Variants in SULT2B1 observed in about 807,000 individuals in gnomAD.
The protein encoded by SULT2B1 is sulfotransferase 2B1.
SULT2B1 carries 16 observed loss-of-function variants against 33.2 expected under a neutral mutation model. The observed-to-expected ratio is 0.48, with a 90% confidence interval of 0.33 to 0.73. The LOEUF (loss-of-function observed/expected upper bound fraction) is 0.73, where lower values mean the gene tolerates loss of function less well. SULT2B1 is among the 30% of genes least tolerant of loss of function. The pLI is 0.02. For synonymous variants in SULT2B1, 186 were observed against 200.5 expected, an observed-to-expected ratio of 0.93 and a Z score of 0.61; for missense variants, 500 against 506.0, an observed-to-expected ratio of 0.99 and a Z score of 0.11.
chr19:48,569,361 A>AAAAATAT (rs1568405757), intron 1 of SULT2B1, among the ~76,000 whole-genome samples: 4 of 9,966 alleles, frequency 4.0e-4, no homozygotes, highest in African/African-American at 9.7e-4. Flanking sequence ...AAAAAAAAAA[A>AAAAATAT]ACATATATAT....
intron 3 of SULT2B1, among the ~76,000 whole-genome samples, chr19:48,588,671 G>A (rs919690419): frequency 4.6e-5 from 7 of 151,832 alleles, no homozygotes; most frequent in African/African-American, 1.4e-4. Flanking sequence ...TTACATTGGG[G>A]GGAGAGGGCT....
At chr19:48,563,036 G>A (rs148534531) in intron 1 of SULT2B1, among the ~76,000 whole-genome samples, 6 of 152,024 alleles carry the variant, frequency 3.9e-5, no homozygotes, top group Non-Finnish European at 5.9e-5. Flanking sequence ...AAAGTTAAGC[G>A]GGAACTTTCC....
intron 1 of SULT2B1, among the ~76,000 whole-genome samples, chr19:48,563,107 G>T (rs1973201671): frequency 2.0e-5 from 3 of 152,014 alleles, no homozygotes; most frequent in African/African-American, 7.2e-5. Context: ...TGGAGACAGG[G>T]TCTTGCTATG....
At chr19:48,569,887 A>G (rs1260199333) in intron 1 of SULT2B1, among the ~76,000 whole-genome samples, 7 of 152,036 alleles carry the variant, frequency 4.6e-5, no homozygotes, top group Non-Finnish European at 8.8e-5. Context: ...GCTGGTCTCA[A>G]ACTCCTGATG....
intron 3 of SULT2B1, among the ~76,000 whole-genome samples, chr19:48,589,709 C>A (rs1973618090): frequency 6.6e-6 from 1 of 152,188 alleles, no homozygotes. Flanking sequence ...CGCCTGAAAT[C>A]CCAGCACTTT....
intron 4 of SULT2B1, 32 bp downstream of exon 4, chr19:48,591,767 TG>T: frequency 6.6e-7 from 1 of 1,516,566 alleles, no homozygotes. Flanking sequence ...GCAGGAGGGG[TG>T]GGGAGGAGCC....
Position 48,588,075 on chromosome 19 carries a change from T to C in SULT2B1, c.423+638T>C, listed in dbSNP as rs576705724. Among the ~76,000 whole-genome samples the C allele has an allele frequency of 2.6e-5, 4 of 151,156 alleles. No homozygotes were observed. In the East Asian group the frequency reaches 7.8e-4, roughly 29 times the overall value. ...AAATACAAAAATTAGTCGGATCTGG[T>C]GGTGGGTGCCTGTAATCCCAGCTAC... On this transcript the variant is annotated intron_variant, in intron 3 of 6. Coordinates refer to ENST00000201586, the MANE Select transcript of SULT2B1 (RefSeq NM_177973.2).
intron 1 of SULT2B1, among the ~76,000 whole-genome samples, chr19:48,560,574 C>CT (rs1267241881): frequency 6.7e-6 from 1 of 149,936 alleles, no homozygotes; most frequent in Non-Finnish European, 1.5e-5. Flanking sequence ...TCGTAGCCAC[C>CT]TTTTTAAAAA....
chr19:48,555,241 G>A (rs967075062), intron 1 of SULT2B1, among the ~76,000 whole-genome samples: 3 of 151,760 alleles, frequency 2.0e-5, no homozygotes, highest in African/African-American at 4.8e-5. Flanking sequence ...ACAGGCACCC[G>A]CCACCATGCC....
rs1230729808 is a variant in SULT2B1 at position 48,587,336 on chromosome 19, G to A, written c.322G>A (p.Val108Met). The A allele has an allele frequency of 6.2e-7, 1 of 1,614,044 alleles. No homozygotes were observed. The highest frequency in any genetic ancestry group is 2.2e-5 in the East Asian group (1 of 44,870). Residue 108 changes from valine to methionine, a missense_variant, in exon 3 of 7, where the codon GTG (valine) becomes ATG (methionine). Physicochemically the swap from Val to Met is conservative, Grantham distance 21. Coordinates refer to ENST00000201586, the MANE Select transcript of SULT2B1 (RefSeq NM_177973.2). ...GCGGGCACCCTGGTGTGAGACCATT[G>A]TGGGTGCCTTCAGCCTCCCGGACCA... is the stretch of plus-strand genomic sequence containing the variant. ...WERAPWCETI[V>M]GAFSLPDQYS...
intron 1 of SULT2B1, among the ~76,000 whole-genome samples, chr19:48,553,910 G>A (rs186030220): frequency 3.9e-5 from 6 of 152,238 alleles, no homozygotes; most frequent in East Asian, 1.9e-4. Flanking sequence ...AAGCCAGCTC[G>A]CCTCCAGGGT....
intron 2 of SULT2B1, among the ~76,000 whole-genome samples, chr19:48,582,093 C>T (rs1973498439): frequency 6.6e-6 from 1 of 151,434 alleles, no homozygotes; most frequent in African/African-American, 2.4e-5. Flanking sequence ...TTAGTAGAGA[C>T]GGGGTTTTGC....
Position 48,599,289 on chromosome 19 carries a change from T to C in SULT2B1, c.981T>C (p.Pro327=). The stretch of plus-strand genomic sequence containing the variant: ...CAGATCCTGAGCCCAGCCCTGAGCC[T>C]GAGCCCAAGCCCAGCCTTGAGCCCA... The part of the protein sequence containing the change: ...GSPDPEPSPE[P]EPKPSLEPNT... Residue 327 remains proline (P), a synonymous_variant, in exon 7 of 7, where the codon CCT becomes CCC. Transcript: ENST00000201586. The surrounding 1 kb of genome is among the most constrained non-coding windows in gnomAD (Gnocchi z 4.1). 2 of 1,610,342 alleles carry C rather than the reference T, an allele frequency of 1.2e-6. No individual in the cohort carries two copies. The highest frequency in any genetic ancestry group is 1.3e-5 in the African/African-American group (1 of 74,878).
At position 48,587,319 on chromosome 19, in the gene SULT2B1, C is replaced by T; in HGVS notation, c.305C>T (p.Pro102Leu). ...IRSVPIWERA[P>L]WCETIVGAFS... ...TCCGTGCCCATCTGGGAGCGGGCACCCTGGTGTGAGACCATTGTGGGTGCC... is the reference window on the plus strand; with the variant it reads ...TCCGTGCCCATCTGGGAGCGGGCACTCTGGTGTGAGACCATTGTGGGTGCC... The change falls in exon 3 of 7, where the codon CCC becomes CTC. Residue 102 changes from proline to leucine, a missense_variant. Coordinates refer to ENST00000201586, the MANE Select transcript of SULT2B1 (RefSeq NM_177973.2). 1.2e-6 allele frequency: 2 copies of T among 1,613,994 alleles called. No homozygotes were observed. Among genetic ancestry groups the T allele is most frequent in the African/African-American group, 1.3e-5 (1 of 74,984 alleles).
At chr19:48,570,191 T>C (rs1973301529) in intron 1 of SULT2B1, among the ~76,000 whole-genome samples, 1 of 151,508 alleles carries the variant, frequency 6.6e-6, no homozygotes, top group South Asian at 2.1e-4. Flanking sequence ...TTTTTTTTTT[T>C]TTTCTGAGGC....
At chr19:48,567,360 G>A (rs1161639391) in intron 1 of SULT2B1, among the ~76,000 whole-genome samples, 1 of 151,622 alleles carries the variant, frequency 6.6e-6, no homozygotes, top group Non-Finnish European at 1.5e-5. Flanking sequence ...TCAGGAGTTT[G>A]AGACCAGCCT....
At chr19:48,580,888 C>T (rs538245453) in intron 2 of SULT2B1, among the ~76,000 whole-genome samples, 2 of 152,174 alleles carry the variant, frequency 1.3e-5, no homozygotes, top group South Asian at 4.2e-4. Context: ...AGGCATGAGC[C>T]ACTGTGCCTG....
chr19:48,582,187 G>A (rs560373013), intron 2 of SULT2B1, among the ~76,000 whole-genome samples: 4 of 152,238 alleles, frequency 2.6e-5, no homozygotes, highest in South Asian at 2.1e-4. Context: ...TTACAGGCGT[G>A]AGCCACTGTG....
chr19:48,558,900 T>C (rs8100256), intron 1 of SULT2B1, among the ~76,000 whole-genome samples: 1 of 151,368 alleles, frequency 6.6e-6, no homozygotes, highest in Non-Finnish European at 1.5e-5. Flanking sequence ...AGGTCAGGCT[T>C]GTCTCAAACT....
Sources: allele counts gnomAD v4.1 joint callset (sites outside exome capture counted in the v4.1 genomes callset), GRCh38; gene constraint gnomAD v4.1.1; non-coding constraint Gnocchi (gnomAD v3.1); transcripts MANE v1.5; gene names NCBI Gene and HGNC (gene_info 2026-07-23, HGNC 2026-07-21).